The following ANKRD12 variants were observed in gnomAD, a reference collection of about 807,000 sequenced individuals.
ANKRD12 encodes ankyrin repeat domain 12, also known as ankyrin repeat domain-containing protein 12.
Under a neutral mutation model 183.4 loss-of-function variants are expected in ANKRD12, and 85 were observed. The observed-to-expected ratio is 0.46, with a 90% CI of 0.39 to 0.56. The LOEUF is 0.56. Ranked by LOEUF, ANKRD12 falls within the 20% of genes least tolerant of loss-of-function variation. ANKRD12 has a pLI of 0.00. For missense variants in ANKRD12, 2,405 were observed against 2,357.1 expected (o/e 1.02, Z -0.42); for synonymous variants, 914 against 800.2 (o/e 1.14, Z -2.40).
At chr18:9,250,499 A>G (rs4592725) in intron 8 of ANKRD12, among the ~76,000 whole-genome samples, 120,612 of 151,976 alleles carry the variant, frequency 0.79, 48,055 homozygotes, top group Middle Eastern at 0.88. Context: ...TGGGAGGATT[A>G]CTTGAGGCCA....
chr18:9,248,917 C>T (rs1245623646), intron 8 of ANKRD12, among the ~76,000 whole-genome samples: 1 of 152,134 alleles, frequency 6.6e-6, no homozygotes, highest in African/African-American at 2.4e-5. Flanking sequence ...ATTATCCAGA[C>T]GATAGTTGCC....
At chr18:9,273,870 A>T (rs531739441) in intron 10 of ANKRD12, among the ~76,000 whole-genome samples, 4 of 152,368 alleles carry the variant, frequency 2.6e-5, no homozygotes, top group South Asian at 2.1e-4. Context: ...ATCTTACTTC[A>T]TCTGACATAG....
intron 1 of ANKRD12, among the ~76,000 whole-genome samples, chr18:9,176,787 T>C (rs765888291): frequency 1.3e-4 from 20 of 152,166 alleles, no homozygotes. Flanking sequence ...TGTTAAACAA[T>C]ATATTTTTAG....
intron 1 of ANKRD12, among the ~76,000 whole-genome samples, chr18:9,147,272 C>T (rs2078523572): frequency 1.3e-5 from 2 of 152,066 alleles, no homozygotes; most frequent in Admixed American, 6.6e-5. Flanking sequence ...GGCTAAAGTA[C>T]GTGCCTGTCA....
chr18:9,144,865 TTATG>T (rs753747559), intron 1 of ANKRD12, among the ~76,000 whole-genome samples: 6 of 151,994 alleles, frequency 3.9e-5, no homozygotes, highest in Non-Finnish European at 5.9e-5. Flanking sequence ...ATCATATTAA[TTATG>T]TATGTATTTG....
At chr18:9,207,616 TC>T (rs1347270204) in intron 4 of ANKRD12, among the ~76,000 whole-genome samples, 2 of 152,172 alleles carry the variant, frequency 1.3e-5, no homozygotes, top group Non-Finnish European at 2.9e-5. Flanking sequence ...TAGCTGCTCT[TC>T]ATATCTGCTT....
intron 1 of ANKRD12, among the ~76,000 whole-genome samples, chr18:9,154,930 C>G (rs1273987016): frequency 1.3e-5 from 2 of 152,238 alleles, no homozygotes; most frequent in African/African-American, 2.4e-5. Context: ...ATACACAAAT[C>G]TGGAGTTTTA....
chr18:9,136,832 A>G lies in ANKRD12; in HGVS notation c.-185A>G, dbSNP rs1568203084. The G allele has an allele frequency of 6.6e-6, 1 of 152,230 alleles. No individual in the cohort carries two copies. Among genetic ancestry groups the G allele is most frequent in the Non-Finnish European group, 1.5e-5 (1 of 68,098 alleles). The allele number at this position is 152,230 out of a possible 1,614,324, so 9.4% of individuals were successfully genotyped here. On this transcript the variant is annotated 5_prime_UTR_variant, in exon 1 of 13. Coordinates refer to ENST00000262126, the MANE Select transcript of ANKRD12 (RefSeq NM_015208.5). ...GGAGGCTGTGGTGAGAGACGGACCG[A>G]GACCGGAGATGTTTTCAAGCCCGGC...
In ANKRD12 at chr18:9,257,214, T is replaced by C. The variant is rs758591128; in HGVS notation, c.3947T>C (p.Ile1316Thr). 5 of 1,614,150 alleles carry C rather than the reference T, an allele frequency of 3.1e-6. No homozygotes were observed. The highest frequency in any genetic ancestry group is 4.2e-6 in the Non-Finnish European group (5 of 1,179,994). ...CGAAGATGTAGCATGCCTTCTGTCA[T>C]TTGTGAACATACCAAACAATTCCAA... The part of the protein sequence containing the change: ...EVRRCSMPSV[I>T]CEHTKQFQTI... Residue 1316 changes from isoleucine to threonine, a missense_variant, in exon 9 of 13, where the codon ATT (isoleucine) becomes ACT (threonine). Ile to Thr is a moderately conservative substitution (Grantham distance 89). This residue lies in a region of ANKRD12 where 1,983 missense variants were observed against 1,725.9 expected (regional missense o/e 1.15). Coordinates refer to ENST00000262126, the MANE Select transcript of ANKRD12 (RefSeq NM_015208.5).
At chr18:9,147,190 A>G (rs1386537205) in intron 1 of ANKRD12, among the ~76,000 whole-genome samples, 1 of 152,160 alleles carries the variant, frequency 6.6e-6, no homozygotes, top group African/African-American at 2.4e-5. Context: ...ACCTATCCCA[A>G]TCTCACTTAT....
intron 8 of ANKRD12, among the ~76,000 whole-genome samples, chr18:9,236,301 G>A (rs2037341562): frequency 6.6e-6 from 1 of 152,156 alleles, no homozygotes; most frequent in African/African-American, 2.4e-5. Flanking sequence ...ATAAAAATAA[G>A]TGAGCTTACC....
chr18:9,178,087 A>C (rs2033419235), intron 1 of ANKRD12, among the ~76,000 whole-genome samples: 1 of 152,186 alleles, frequency 6.6e-6, no homozygotes, highest in Admixed American at 6.5e-5. Context: ...TCATTTTCTT[A>C]ACACCTTAAC....
chr18:9,227,141 G>T (rs1026648791), intron 8 of ANKRD12, among the ~76,000 whole-genome samples: 3 of 151,956 alleles, frequency 2.0e-5, no homozygotes, highest in Admixed American at 1.3e-4. Context: ...GGGCCATGAT[G>T]CATTTAATTT....
chr18:9,144,633 T>C (rs1473755242), intron 1 of ANKRD12, among the ~76,000 whole-genome samples: 2 of 152,200 alleles, frequency 1.3e-5, no homozygotes, highest in African/African-American at 4.8e-5. Flanking sequence ...CCATAGTTGA[T>C]TATAGGTTCT....
At position 9,281,172 on chromosome 18, in the gene ANKRD12, A is replaced by C; in HGVS notation, c.*46A>C. The stretch of plus-strand genomic sequence containing the variant: ...TATTGTCCTAAACTGGTGATGCTCA[A>C]GCATTATACTGTGGAATACTGCCTT... On this transcript the variant is annotated 3_prime_UTR_variant, in exon 13 of 13. Coordinates refer to ENST00000262126, the MANE Select transcript of ANKRD12 (RefSeq NM_015208.5). 1.3e-6 allele frequency: 2 copies of C among 1,508,768 alleles called. No individual in the cohort carries two copies. Among genetic ancestry groups the C allele is most frequent in the Non-Finnish European group, 1.8e-6 (2 of 1,108,002 alleles). The allele number at this position is 1,508,768 out of a possible 1,614,324, so 93.5% of individuals were successfully genotyped here.
At chr18:9,241,704 C>T (rs574209324) in intron 8 of ANKRD12, among the ~76,000 whole-genome samples, 3 of 152,196 alleles carry the variant, frequency 2.0e-5, no homozygotes, top group Non-Finnish European at 2.9e-5. Flanking sequence ...TTTAGTTTTC[C>T]TCCTCTGCTT....
chr18:9,160,311 C>A (rs1469702954), intron 1 of ANKRD12, among the ~76,000 whole-genome samples: 2 of 152,152 alleles, frequency 1.3e-5, no homozygotes, highest in Non-Finnish European at 1.5e-5. Flanking sequence ...GAGATGGGTT[C>A]TCACCAGCTC....
At chr18:9,139,218 G>A (rs2078233984) in intron 1 of ANKRD12, among the ~76,000 whole-genome samples, 1 of 152,068 alleles carries the variant, frequency 6.6e-6, no homozygotes. Flanking sequence ...GACTTACACT[G>A]GTTTGTTAAT....
chr18:9,182,830 T>C (rs976102080), intron 2 of ANKRD12, among the ~76,000 whole-genome samples: 1 of 152,186 alleles, frequency 6.6e-6, no homozygotes, highest in Non-Finnish European at 1.5e-5. Flanking sequence ...TATCTATCCT[T>C]TTTCATTCCT....
Sources: allele counts gnomAD v4.1 joint callset (sites outside exome capture counted in the v4.1 genomes callset), GRCh38; gene constraint gnomAD v4.1.1; regional missense constraint gnomAD v4.1.1; transcripts MANE v1.5; gene names NCBI Gene and HGNC (gene_info 2026-07-23, HGNC 2026-07-21).